The following NFIB variants were observed in gnomAD, a reference collection of about 807,000 sequenced individuals.
The protein encoded by NFIB is nuclear factor I B.
In NFIB, 11 loss-of-function variants were observed where a neutral mutation model predicts 61.5. The ratio of observed to expected loss-of-function variants is 0.18; its 90% confidence interval spans 0.11 to 0.30. NFIB has a LOEUF of 0.30. Among genes scored for constraint, NFIB ranks in the 10% least tolerant of loss-of-function variants. NFIB has a pLI of 1.00. For synonymous variants in NFIB, 260 were observed against 216.5 expected, an observed-to-expected ratio of 1.20 and a Z score of -1.76; for missense variants, 471 against 608.9, an observed-to-expected ratio of 0.77 and a Z score of 2.38.
At chr9:14,513,051 T>C in the NFIB span, among the ~76,000 whole-genome samples, 6 of 152,134 alleles carry the variant, frequency 3.9e-5, no homozygotes, top group African/African-American at 1.2e-4. Context: ...TATCTATTAC[T>C]TACAAAATGT....
chr9:14,399,163 A>G (rs1376935485), upstream of NFIB, among the ~76,000 whole-genome samples: 1 of 152,244 alleles, frequency 6.6e-6, no homozygotes, highest in Non-Finnish European at 1.5e-5. Flanking sequence ...TATTTTGAAT[A>G]TATGTTGTTG....
intron 2 of NFIB, among the ~76,000 whole-genome samples, chr9:14,259,251 A>C (rs1299536368): frequency 6.6e-6 from 1 of 152,228 alleles, no homozygotes; most frequent in Non-Finnish European, 1.5e-5. Context: ...ATGAAAGTGA[A>C]GAGAAAGTGA....
chr9:14,528,758 T>A, the NFIB span, among the ~76,000 whole-genome samples: 3 of 152,280 alleles, frequency 2.0e-5, no homozygotes, highest in South Asian at 6.2e-4. Flanking sequence ...GAGCTTTAAA[T>A]GTGAAGTACA....
chr9:14,319,796 C>T (rs1033742740), intron 1 of NFIB, among the ~76,000 whole-genome samples: 1 of 152,146 alleles, frequency 6.6e-6, no homozygotes, highest in African/African-American at 2.4e-5. Flanking sequence ...TTGAAAACTG[C>T]ATAACAATGC....
the NFIB span, among the ~76,000 whole-genome samples, chr9:14,483,809 T>C: frequency 3.3e-5 from 5 of 152,252 alleles, no homozygotes; most frequent in African/African-American, 1.2e-4. Context: ...AAGAATATTA[T>C]TTGAGACTCT....
upstream of NFIB, among the ~76,000 whole-genome samples, chr9:14,314,990 C>T (rs1052627125): frequency 1.3e-5 from 2 of 151,938 alleles, no homozygotes; most frequent in African/African-American, 2.4e-5. Flanking sequence ...AATTCCCTCA[C>T]ACCCAGGCCG....
At chr9:14,473,981 C>T in the NFIB span, among the ~76,000 whole-genome samples, 7 of 152,230 alleles carry the variant, frequency 4.6e-5, no homozygotes, top group Admixed American at 2.0e-4. Flanking sequence ...TTCAGGAAGC[C>T]GCTGGACATG....
At chr9:14,348,806 T>A (rs1450643597) in intron 1 of NFIB, among the ~76,000 whole-genome samples, 1 of 152,238 alleles carries the variant, frequency 6.6e-6, no homozygotes, top group African/African-American at 2.4e-5. Context: ...CCCCCTGTGC[T>A]CTGTGCTGGG....
the NFIB span, among the ~76,000 whole-genome samples, chr9:14,500,733 A>G: frequency 6.6e-6 from 1 of 152,180 alleles, no homozygotes; most frequent in African/African-American, 2.4e-5. Context: ...CTAGAGTCCT[A>G]CATTTTTTCT....
intron 2 of NFIB, among the ~76,000 whole-genome samples, chr9:14,267,863 T>G (rs1354216323): frequency 6.6e-6 from 1 of 152,226 alleles, no homozygotes; most frequent in Non-Finnish European, 1.5e-5. Flanking sequence ...CTGGGCGCAG[T>G]GGCTCACGCC....
chr9:14,330,987 G>A (rs1360780971), intron 1 of NFIB, among the ~76,000 whole-genome samples: 1 of 152,014 alleles, frequency 6.6e-6, no homozygotes. Flanking sequence ...AAGCTTTTTC[G>A]GGGGCATTTT....
intron 1 of NFIB, among the ~76,000 whole-genome samples, chr9:14,379,926 G>A (rs562691911): frequency 1.1e-4 from 17 of 151,040 alleles, no homozygotes; most frequent in African/African-American, 4.1e-4. Flanking sequence ...CAGGTGATCC[G>A]CCCACTTCAG....
chr9:14,454,520 C>T, the NFIB span, among the ~76,000 whole-genome samples: 1 of 152,190 alleles, frequency 6.6e-6, no homozygotes, highest in Non-Finnish European at 1.5e-5. Context: ...TTTAAGCCAC[C>T]TAGACTATGT....
At chr9:14,150,370 G>A (rs2042731447) in intron 4 of NFIB, 105 bp from the exon 5 acceptor site, 3 of 1,554,804 alleles carry the variant, frequency 1.9e-6, no homozygotes, top group Middle Eastern at 1.8e-4. Context: ...AAGATAGAGA[G>A]AACTTTCTTC....
intron 2 of NFIB, among the ~76,000 whole-genome samples, chr9:14,284,139 T>C (rs962148273): frequency 6.6e-6 from 1 of 152,188 alleles, no homozygotes; most frequent in African/African-American, 2.4e-5. Flanking sequence ...ATATTTAACC[T>C]CAATTTCTTT....
intron 1 of NFIB, among the ~76,000 whole-genome samples, chr9:14,387,811 G>C (rs2061566218): frequency 1.3e-5 from 2 of 152,058 alleles, no homozygotes; most frequent in African/African-American, 4.8e-5. Flanking sequence ...TTATTTCTTG[G>C]GGCAGTATTT....
intron 2 of NFIB, among the ~76,000 whole-genome samples, chr9:14,271,848 T>C (rs2132333437): frequency 6.6e-6 from 1 of 152,334 alleles, no homozygotes; most frequent in East Asian, 1.9e-4. Flanking sequence ...CCCTGTGTCA[T>C]CTGGTCCATC....
At chr9:14,176,557 A>T (rs963077435) in intron 3 of NFIB, among the ~76,000 whole-genome samples, 3 of 152,194 alleles carry the variant, frequency 2.0e-5, no homozygotes, top group Admixed American at 2.0e-4. Flanking sequence ...CAAATGACAA[A>T]AAATTACTTA....
At chr9:14,413,227 G>C in the NFIB span, among the ~76,000 whole-genome samples, 1 of 152,110 alleles carries the variant, frequency 6.6e-6, no homozygotes, top group Non-Finnish European at 1.5e-5. Flanking sequence ...GGGGCAGCTG[G>C]AGCCTTCCCA....
Sources: gnomAD v4.1 joint callset for allele counts (sites outside exome capture counted in the v4.1 genomes callset) on GRCh38, gnomAD v4.1.1 for gene constraint, MANE v1.5 for transcripts, NCBI Gene and HGNC (gene_info 2026-07-23, HGNC 2026-07-21) for gene names.